The following ISOC1 variants were observed in gnomAD, a reference collection of about 807,000 sequenced individuals.
ISOC1 encodes isochorismatase domain-containing protein 1.
ISOC1 carries 33 observed loss-of-function variants against 30.0 expected under a neutral mutation model. The observed-to-expected ratio is 1.10, with a 90% CI of 0.83 to 1.47. The LOEUF is 1.47. Among genes scored for constraint, ISOC1 ranks in the 40% most tolerant of loss-of-function variants. The pLI is 0.00. For synonymous variants in ISOC1, 178 were observed against 159.8 expected (o/e 1.11, Z -0.86); for missense variants, 372 against 388.0 (o/e 0.96, Z 0.35).
At chr5:129,100,456 A>G (rs1753556496) in intron 1 of ISOC1, among the ~76,000 whole-genome samples, 1 of 152,158 alleles carries the variant, frequency 6.6e-6, no homozygotes, top group African/African-American at 2.4e-5. Flanking sequence ...ATGTGTGTGT[A>G]GGACTATGTG....
At chr5:129,104,779 A>G (rs940298422) in intron 1 of ISOC1, among the ~76,000 whole-genome samples, 177 bp from the exon 2 acceptor site, 3 of 150,524 alleles carry the variant, frequency 2.0e-5, no homozygotes, top group Non-Finnish European at 4.4e-5. Flanking sequence ...AATTCAGAGA[A>G]CATCTTTTTG....
chr5:129,103,977 T>A (rs1252144986), intron 1 of ISOC1, among the ~76,000 whole-genome samples: 1 of 152,192 alleles, frequency 6.6e-6, no homozygotes, highest in Non-Finnish European at 1.5e-5. Flanking sequence ...ATTCTCATAT[T>A]TAATGGTGAT....
intron 1 of ISOC1, among the ~76,000 whole-genome samples, chr5:129,101,193 A>ATATATATATG (rs1491213713): frequency 2.2e-5 from 1 of 45,098 alleles, no homozygotes; most frequent in East Asian, 1.0e-3. Flanking sequence ...AAAAAAAAAA[A>ATATATATATG]TATATATATA....
chr5:129,100,325 A>T (rs760829081), intron 1 of ISOC1, among the ~76,000 whole-genome samples: 3 of 152,216 alleles, frequency 2.0e-5, no homozygotes, highest in Non-Finnish European at 4.4e-5. Context: ...AATTCTTAAG[A>T]AAGTAGACAA....
At chr5:129,101,474 G>A (rs140316083) in intron 1 of ISOC1, among the ~76,000 whole-genome samples, 4 of 151,860 alleles carry the variant, frequency 2.6e-5, no homozygotes, top group African/African-American at 7.3e-5. Flanking sequence ...CAGCCTGGGC[G>A]ACAGAGTGAG....
Position 129,105,058 on chromosome 5 carries a change from A to G in ISOC1, c.412A>G (p.Ser138Gly), listed in dbSNP as rs1580788296. Residue 138 changes from serine (S) to glycine (G), a missense_variant, in exon 2 of 5, where the codon AGC (serine) becomes GGC (glycine). By Grantham distance (56) the Ser-to-Gly change is moderately conservative (BLOSUM62 0). Coordinates refer to ENST00000173527, the MANE Select transcript of ISOC1 (RefSeq NM_016048.2). ...PAIKYFGDII[S>G]VGQRLLQGAR... ...CATCAAGTATTTTGGGGATATTATT[A>G]GCGTGGGACAGAGATTGGTATGCTT... The G allele has an allele frequency of 6.2e-7, 1 of 1,613,912 alleles. No individual in the cohort carries two copies. Among genetic ancestry groups the G allele is most frequent in the East Asian group, 2.2e-5 (1 of 44,870 alleles).
At chr5:129,112,783 T>C in intron 4 of ISOC1, 72 bp from the exon 5 acceptor site, 1 of 1,503,490 alleles carries the variant, frequency 6.7e-7, no homozygotes, top group Admixed American at 1.9e-5. Context: ...CATCCCAGCA[T>C]AGTGTTACTC....
chr5:129,095,175 C>T, intron 1 of ISOC1, 100 bp downstream of exon 1: 1 of 1,187,108 alleles, frequency 8.4e-7, no homozygotes, highest in Non-Finnish European at 1.1e-6. Flanking sequence ...CCCCGAGCCG[C>T]CCGGGACCCG....
chr5:129,101,267 AG>A (rs1312305957), intron 1 of ISOC1, among the ~76,000 whole-genome samples: 1 of 145,578 alleles, frequency 6.9e-6, no homozygotes, highest in Non-Finnish European at 1.5e-5. Context: ...AGGCCAAGGC[AG>A]GCAGATCCCT....
chr5:129,100,355 G>A (rs946522877), intron 1 of ISOC1, among the ~76,000 whole-genome samples: 9 of 152,034 alleles, frequency 5.9e-5, no homozygotes, highest in Non-Finnish European at 1.3e-4. Context: ...ACTTGAATCT[G>A]ATCTCTTAAA....
chr5:129,107,098 G>T, intron 4 of ISOC1, 36 bp downstream of exon 4: 1 of 1,501,186 alleles, frequency 6.7e-7, no homozygotes, highest in Non-Finnish European at 9.3e-7. Context: ...CATTTGTCAA[G>T]TTTTCCAAAT....
intron 1 of ISOC1, among the ~76,000 whole-genome samples, chr5:129,104,559 A>G (rs1018839205): frequency 1.3e-5 from 2 of 152,162 alleles, no homozygotes; most frequent in East Asian, 3.8e-4. Context: ...ACTTTTATTC[A>G]TATTTTTACA....
chr5:129,105,181 TCAG>T lies in ISOC1; in HGVS notation c.430-3_430-1del. The T allele has an allele frequency of 6.2e-7, 1 of 1,613,228 alleles. No individual in the cohort carries two copies. Among genetic ancestry groups the T allele is most frequent in the South Asian group, 1.1e-5 (1 of 91,016 alleles). ...TGTTTTTGTGTTTGGTTATTTTTTT[TCAG>T]TTGCAAGGGGCCCGGATTTTAGGAA... On this transcript the variant is annotated splice_acceptor_variant and splice_polypyrimidine_tract_variant and intron_variant, in intron 2 of 4. Coordinates refer to ENST00000173527, the MANE Select transcript of ISOC1 (RefSeq NM_016048.2). LOFTEE classifies it high-confidence loss of function.
At chr5:129,106,870 A>G in intron 3 of ISOC1, 76 bp from the exon 4 acceptor site, 2 of 1,014,306 alleles carry the variant, frequency 2.0e-6, no homozygotes, top group Non-Finnish European at 3.1e-6. Context: ...TGTCTGCTTT[A>G]TCATGTTGTT....
At chr5:129,098,865 T>G (rs1453787515) in intron 1 of ISOC1, among the ~76,000 whole-genome samples, 1 of 152,170 alleles carries the variant, frequency 6.6e-6, no homozygotes, top group Non-Finnish European at 1.5e-5. Flanking sequence ...TAGAAGAGAC[T>G]GACAGGTTCA....
At chr5:129,104,916 T>C (rs1561422522) in intron 1 of ISOC1, 40 bp from the exon 2 acceptor site, 1 of 1,600,450 alleles carries the variant, frequency 6.2e-7, no homozygotes, top group Admixed American at 1.7e-5. Flanking sequence ...AATGTCATTG[T>C]ACAACAAGTG....
chr5:129,098,418 G>A (rs902714096), intron 1 of ISOC1, among the ~76,000 whole-genome samples: 1 of 152,142 alleles, frequency 6.6e-6, no homozygotes, highest in African/African-American at 2.4e-5. Flanking sequence ...TTTGAGACAC[G>A]GGAAAGAATA....
At chr5:129,101,266 C>A (rs147136591) in intron 1 of ISOC1, among the ~76,000 whole-genome samples, 4,276 of 142,658 alleles carry the variant, frequency 0.03, 237 homozygotes, top group African/African-American at 0.11. Context: ...GAGGCCAAGG[C>A]AGGCAGATCC....
rs1343617895 is a variant in ISOC1, at chr5:129,113,652, G to A, written c.*651G>A. The A allele has an allele frequency of 6.6e-6, 1 of 152,146 alleles. No individual in the cohort carries two copies. The highest frequency in any genetic ancestry group is 1.5e-5 in the Non-Finnish European group (1 of 68,026). The allele number at this position is 152,146 out of a possible 1,614,324, so 9.4% of individuals were successfully genotyped here. A position where few individuals can be genotyped will look rare whatever the true frequency, so the allele number is the denominator to read the frequency against. On this transcript the variant is annotated 3_prime_UTR_variant, in exon 5 of 5. Coordinates refer to ENST00000173527, the MANE Select transcript of ISOC1 (RefSeq NM_016048.2). Reference sequence around the variant, plus strand: ...TAATATTCTCTCTTTTAACTGAAAAGGGATGGGATAGAAGGGTTTGCAATG... The same window carrying A: ...TAATATTCTCTCTTTTAACTGAAAAAGGATGGGATAGAAGGGTTTGCAATG...
Sources: allele counts gnomAD v4.1 joint callset (sites outside exome capture counted in the v4.1 genomes callset), GRCh38; gene constraint gnomAD v4.1.1; transcripts MANE v1.5; gene names NCBI Gene and HGNC (gene_info 2026-07-23, HGNC 2026-07-21).